The following ZNF33A variants were observed in gnomAD, a reference collection of about 807,000 sequenced individuals.
The protein encoded by ZNF33A is zinc finger protein 33A, also known as brain my041 protein.
A neutral mutation model predicts 15.9 loss-of-function variants in ZNF33A; 9 were observed. The ratio of observed to expected loss-of-function variants is 0.57; its 90% CI spans 0.34 to 0.99. ZNF33A has a LOEUF of 0.99. Ranked by LOEUF, ZNF33A falls within the 50% of genes least tolerant of loss-of-function variation. The pLI, the probability that ZNF33A is intolerant of heterozygous loss-of-function variation, is 0.02. For synonymous variants in ZNF33A, 294 were observed against 324.2 expected (o/e 0.91, Z 1.00); for missense variants, 843 against 941.6 (o/e 0.90, Z 1.37).
downstream of ZNF33A, among the ~76,000 whole-genome samples, chr10:38,063,393 A>G (rs938363412): frequency 6.6e-6 from 1 of 152,212 alleles, no homozygotes; most frequent in African/African-American, 2.4e-5. Flanking sequence ...GACAAAGACA[A>G]CCAAGAGGCT....
At chr10:38,044,693 A>T (rs2065874760) in intron 4 of ZNF33A, among the ~76,000 whole-genome samples, 1 of 150,890 alleles carries the variant, frequency 6.6e-6, no homozygotes, top group Non-Finnish European at 1.5e-5. Flanking sequence ...TTATTTTGAC[A>T]GTCTCGCTCT....
At chr10:38,027,199 A>AGG (rs1026858700) in intron 4 of ZNF33A, among the ~76,000 whole-genome samples, 9 of 149,632 alleles carry the variant, frequency 6.0e-5, no homozygotes, top group Non-Finnish European at 1.2e-4. Flanking sequence ...TTTTTTTAAC[A>AGG]TTGATTTTCT....
chr10:38,036,568 A>T (rs1437426373), intron 4 of ZNF33A, among the ~76,000 whole-genome samples: 2 of 152,216 alleles, frequency 1.3e-5, no homozygotes, highest in Non-Finnish European at 2.9e-5. Flanking sequence ...AAAACCGAGC[A>T]AACTAGGAAT....
rs1200704400 is a variant in ZNF33A, at chr10:38,057,132, ATGTG to A, written c.*583_*586del. ...GCACTCTGTGTGTGTGTGTACGTGT[ATGTG>A]TGTGTGTGTGGTTATATCAAACTTT... is the stretch of plus-strand genomic sequence containing the variant. On this transcript the variant is annotated 3_prime_UTR_variant, in exon 5 of 5. Transcript: ENST00000432900. The A allele has an allele frequency of 1.1e-5, 8 of 712,374 alleles. No homozygotes were observed. The highest frequency in any genetic ancestry group is 6.2e-5 in the South Asian group (1 of 16,170). 44.1% of individuals were successfully genotyped at this position (712,374 alleles called of 1,614,324 possible). A position where few individuals can be genotyped will look rare whatever the true frequency, so the allele number is the denominator to read the frequency against.
rs187313010 is a variant in ZNF33A, at chr10:38,023,792, C to T, written c.250+6406C>T. On this transcript the variant is annotated intron_variant, in intron 4 of 4. Transcript: ENST00000432900. ...AAGAAAGTGAAATAGAAGTCATACA[C>T]GTAGAGAAGAAATAAAACTTTATAT... Among the ~76,000 whole-genome samples the T allele has an allele frequency of 8.8e-4, 134 of 152,134 alleles. 1 individual carries two copies. The Middle Eastern group carries it at 0.024, about 27-fold the overall frequency.
intron 4 of ZNF33A, among the ~76,000 whole-genome samples, chr10:38,040,862 G>A (rs1244870146): frequency 6.6e-6 from 1 of 151,922 alleles, no homozygotes; most frequent in Non-Finnish European, 1.5e-5. Flanking sequence ...TAGGTTTATT[G>A]GGTTGAAACC....
At chr10:38,052,461 C>A (rs1434410594) in intron 4 of ZNF33A, among the ~76,000 whole-genome samples, 1 of 152,018 alleles carries the variant, frequency 6.6e-6, no homozygotes, top group Non-Finnish European at 1.5e-5. Flanking sequence ...AAATTGAAGA[C>A]CTAAACAAGT....
chr10:38,033,711 C>CTTTTTT (rs369166182), intron 4 of ZNF33A, among the ~76,000 whole-genome samples: 2 of 146,346 alleles, frequency 1.4e-5, no homozygotes, highest in Non-Finnish European at 1.5e-5. Flanking sequence ...TGTTGAACAT[C>CTTTTTT]TTTTTTTTTT....
At chr10:38,012,813 C>A (rs758574457) in intron 2 of ZNF33A, among the ~76,000 whole-genome samples, 8 of 152,086 alleles carry the variant, frequency 5.3e-5, no homozygotes, top group Non-Finnish European at 1.2e-4. Flanking sequence ...AGATCAATAG[C>A]AGGGCCAAGT....
rs2066584997 is a variant in ZNF33A, at chr10:38,058,669, G to A, written c.*2109G>A. On this transcript the variant is annotated 3_prime_UTR_variant, in exon 5 of 5. Transcript: ENST00000432900. ...GTGTGTAGTCGAAGCTACTCAGGAG[G>A]CTGAGGCAGAAGAATCACTTGAACC... is the stretch of plus-strand genomic sequence containing the variant. 6.6e-6 allele frequency: 1 copy of A among 152,266 alleles called. No homozygotes were observed. 9.4% of individuals were successfully genotyped at this position (152,266 alleles called of 1,614,324 possible). A position where few individuals can be genotyped will look rare whatever the true frequency, so the allele number is the denominator to read the frequency against.
chr10:38,057,042 T>C lies in ZNF33A; in HGVS notation c.*482T>C. On this transcript the variant is annotated 3_prime_UTR_variant, in exon 5 of 5. Coordinates refer to ENST00000432900, the MANE Select transcript of ZNF33A (RefSeq NM_006954.2). ...TGTATAATCATAGTATATGGTCAAG[T>C]CCAAGAAATCGATGTTACCTTGCTG... 1 of 698,378 alleles carries C rather than the reference T, an allele frequency of 1.4e-6. No individual in the cohort carries two copies. The highest frequency in any genetic ancestry group is 1.8e-6 in the Non-Finnish European group (1 of 566,832). 43.3% of individuals were successfully genotyped at this position (698,378 alleles called of 1,614,324 possible). A position where few individuals can be genotyped will look rare whatever the true frequency, so the allele number is the denominator to read the frequency against.
rs1198353000 is a variant in ZNF33A, at chr10:38,010,691, T to C, written c.-137T>C. 4.4e-6 allele frequency: 7 copies of C among 1,596,462 alleles called. No individual in the cohort carries two copies. Among genetic ancestry groups the C allele is most frequent in the Admixed American group, 1.7e-5 (1 of 60,004 alleles). On this transcript the variant is annotated 5_prime_UTR_variant, in exon 1 of 5. Transcript: ENST00000432900. ...TACGTCTGCGTTTCCGCCTTTCCTT[T>C]TGTTTTTCTCAGGTTTTGCGTGGGA...
intron 2 of ZNF33A, among the ~76,000 whole-genome samples, chr10:38,013,235 C>T (rs146573640): frequency 0.042 from 6,357 of 152,096 alleles, 180 homozygotes; most frequent in Middle Eastern, 0.078. Context: ...CTCAGCCTCC[C>T]GAGTAGCTGG....
downstream of ZNF33A, among the ~76,000 whole-genome samples, chr10:38,061,041 C>T (rs767608141): frequency 5.9e-5 from 9 of 152,108 alleles, no homozygotes; most frequent in Non-Finnish European, 8.8e-5. Flanking sequence ...TGTACAGTGA[C>T]GAACTGATCA....
intron 4 of ZNF33A, among the ~76,000 whole-genome samples, chr10:38,023,354 A>C (rs2064841025): frequency 6.6e-6 from 1 of 152,268 alleles, no homozygotes; most frequent in African/African-American, 2.4e-5. Context: ...ATTTAGTAGC[A>C]AAAATCTTTA....
intron 4 of ZNF33A, among the ~76,000 whole-genome samples, chr10:38,037,310 T>C (rs2065494728): frequency 6.8e-6 from 1 of 146,406 alleles, no homozygotes; most frequent in South Asian, 2.2e-4. Flanking sequence ...GCATCATTTC[T>C]TGAAAAGGTA....
At chr10:38,011,939 T>C (rs965542617) in intron 1 of ZNF33A, among the ~76,000 whole-genome samples, 11 of 152,226 alleles carry the variant, frequency 7.2e-5, no homozygotes, top group African/African-American at 2.4e-4. Context: ...GTGTTAATGT[T>C]CCTTCATTAA....
chr10:38,019,257 T>G (rs2064620349), intron 4 of ZNF33A, among the ~76,000 whole-genome samples: 1 of 152,066 alleles, frequency 6.6e-6, no homozygotes, highest in Non-Finnish European at 1.5e-5. Context: ...GGCTTTGCGA[T>G]AGTTTGCTGA....
intron 1 of ZNF33A, among the ~76,000 whole-genome samples, chr10:38,011,380 T>G (rs2064177241): frequency 1.3e-5 from 2 of 152,146 alleles, no homozygotes; most frequent in African/African-American, 2.4e-5. Context: ...AGGTCAGAAA[T>G]TCGAGACCAG....
Sources: gnomAD v4.1 joint callset for allele counts (sites outside exome capture counted in the v4.1 genomes callset) on GRCh38, gnomAD v4.1.1 for gene constraint, MANE v1.5 for transcripts, NCBI Gene and HGNC (gene_info 2026-07-23, HGNC 2026-07-21) for gene names.